Variants in NRXN3 observed in about 807,000 individuals in gnomAD.
NRXN3 encodes neurexin III.
In NRXN3, 32 loss-of-function variants were observed where a neutral mutation model predicts 137.6. The ratio of observed to expected loss-of-function variants is 0.23; its 90% CI spans 0.18 to 0.31. The LOEUF (loss-of-function observed/expected upper bound fraction) is 0.31, where lower values mean the gene tolerates loss of function less well. Ranked by LOEUF, NRXN3 falls within the 10% of genes least tolerant of loss-of-function variation. NRXN3 has a pLI of 1.00. For missense variants in NRXN3, 1,574 were observed against 2,062.5 expected (o/e 0.76, Z 4.59); for synonymous variants, 798 against 784.5 (o/e 1.02, Z -0.29).
At position 79,008,922 on chromosome 14, in the gene NRXN3, G is replaced by A. The variant is rs187779152; in HGVS notation, c.3262+20781G>A. Among the ~76,000 whole-genome samples the A allele has an allele frequency of 7.4e-3, 1,121 of 152,190 alleles. 11 individuals carry two copies. The highest frequency in any genetic ancestry group is 0.026 in the African/African-American group (1,088 of 41,512). On this transcript the variant is annotated intron_variant, in intron 15 of 20. Transcript: ENST00000335750. ...TCCACCCGCCTTGGCCTCCCAAAGT[G>A]CTAGGATTAAAGACGTGAGCCACCA...
intron 6 of NRXN3, among the ~76,000 whole-genome samples, chr14:78,662,912 A>T (rs1194679407): frequency 6.6e-6 from 1 of 152,218 alleles, no homozygotes; most frequent in African/African-American, 2.4e-5. Context: ...CACAGCAATT[A>T]TAATCATAGC....
At chr14:79,236,977 C>T (rs1243081617) in intron 15 of NRXN3, among the ~76,000 whole-genome samples, 1 of 151,962 alleles carries the variant, frequency 6.6e-6, no homozygotes, top group Non-Finnish European at 1.5e-5. Flanking sequence ...AATTAAGATT[C>T]TTCCTCCGTC....
chr14:79,699,955 C>G (rs1321762383), intron 19 of NRXN3, among the ~76,000 whole-genome samples: 3 of 151,962 alleles, frequency 2.0e-5, no homozygotes, highest in Non-Finnish European at 4.4e-5. Flanking sequence ...TTTTAAAAGC[C>G]CTGGATTTTT....
At chr14:79,493,892 A>G (rs368852144) in intron 16 of NRXN3, among the ~76,000 whole-genome samples, 12 of 152,198 alleles carry the variant, frequency 7.9e-5, no homozygotes, top group African/African-American at 2.9e-4. Flanking sequence ...ATACTGAATG[A>G]CAAAGGCTGT....
At chr14:78,249,093 T>C (rs2068175616) in intron 2 of NRXN3, among the ~76,000 whole-genome samples, 1 of 152,210 alleles carries the variant, frequency 6.6e-6, no homozygotes, top group South Asian at 2.1e-4. Flanking sequence ...GGAAAAGCAA[T>C]TTTTTAAAAT....
At chr14:79,343,921 G>A (rs1375516609) in intron 15 of NRXN3, among the ~76,000 whole-genome samples, 19 of 152,028 alleles carry the variant, frequency 1.2e-4, no homozygotes, top group Admixed American at 1.2e-3. Flanking sequence ...TTACAGGTGT[G>A]AGCCACCATG....
intron 17 of NRXN3, among the ~76,000 whole-genome samples, chr14:79,677,235 T>C (rs2098645636): frequency 6.6e-6 from 1 of 151,982 alleles, no homozygotes; most frequent in Non-Finnish European, 1.5e-5. Flanking sequence ...CAAGTATAAT[T>C]AAACAAAATG....
chr14:78,799,362 G>A (rs1380533636), intron 8 of NRXN3, among the ~76,000 whole-genome samples: 1 of 152,184 alleles, frequency 6.6e-6, no homozygotes, highest in African/African-American at 2.4e-5. Flanking sequence ...AACATAGCTA[G>A]AGTCATCTTT....
intron 3 of NRXN3, among the ~76,000 whole-genome samples, chr14:78,284,872 A>G (rs1241826339): frequency 6.6e-6 from 1 of 152,190 alleles, no homozygotes; most frequent in African/African-American, 2.4e-5. Context: ...AATATTTTGT[A>G]GAGAACCCAC....
chr14:78,635,862 T>C (rs61976136), intron 4 of NRXN3, among the ~76,000 whole-genome samples: 11,632 of 152,206 alleles, frequency 0.076, 535 homozygotes, highest in Middle Eastern at 0.15. Context: ...CCTAATTACT[T>C]ATATACTCTG....
chr14:79,637,276 TAAA>T (rs1041086271), intron 16 of NRXN3, among the ~76,000 whole-genome samples: 12 of 152,192 alleles, frequency 7.9e-5, no homozygotes, highest in African/African-American at 2.9e-4. Context: ...GATCAAGTGT[TAAA>T]GAAGAATTGA....
intron 19 of NRXN3, among the ~76,000 whole-genome samples, chr14:79,773,533 C>G (rs1262483025): frequency 6.7e-6 from 1 of 148,674 alleles, no homozygotes; most frequent in African/African-American, 2.5e-5. Context: ...CAAGAACAAA[C>G]AACCAAACAC....
At chr14:79,542,683 G>C (rs1187497201) in intron 16 of NRXN3, among the ~76,000 whole-genome samples, 3 of 152,050 alleles carry the variant, frequency 2.0e-5, no homozygotes, top group Admixed American at 6.6e-5. Flanking sequence ...TTAAATATTA[G>C]AGGTGAGTCA....
chr14:78,991,599 T>TA (rs1193288179), intron 15 of NRXN3, among the ~76,000 whole-genome samples: 1 of 152,218 alleles, frequency 6.6e-6, no homozygotes, highest in Non-Finnish European at 1.5e-5. Flanking sequence ...AACTGAAACT[T>TA]ACTCAACAGG....
chr14:78,250,878 A>G (rs1224013839), intron 2 of NRXN3, among the ~76,000 whole-genome samples: 2 of 152,180 alleles, frequency 1.3e-5, no homozygotes, highest in Non-Finnish European at 2.9e-5. Flanking sequence ...GATGATAAGC[A>G]AAATGTCAAG....
At chr14:79,078,284 A>G (rs1459036717) in intron 15 of NRXN3, among the ~76,000 whole-genome samples, 3 of 152,180 alleles carry the variant, frequency 2.0e-5, no homozygotes, top group South Asian at 2.1e-4. Flanking sequence ...ACAAGATAAA[A>G]TAAATCACTC....
chr14:79,440,889 A>G (rs1389738842), intron 15 of NRXN3, among the ~76,000 whole-genome samples: 2 of 151,936 alleles, frequency 1.3e-5, no homozygotes, highest in Non-Finnish European at 2.9e-5. Flanking sequence ...GATATATGAG[A>G]CTCTGGGGTA....
chr14:79,025,537 A>G (rs1595065082), intron 15 of NRXN3, among the ~76,000 whole-genome samples: 1 of 152,074 alleles, frequency 6.6e-6, no homozygotes, highest in Non-Finnish European at 1.5e-5. Flanking sequence ...TTTACATTCT[A>G]AAAGGTCCAG....
chr14:78,425,304 C>T (rs944169182), intron 4 of NRXN3, among the ~76,000 whole-genome samples: 1 of 152,172 alleles, frequency 6.6e-6, no homozygotes, highest in Non-Finnish European at 1.5e-5. Flanking sequence ...GCACTTGGTA[C>T]ATAGTTAAGT....
Sources: gnomAD v4.1 joint callset for allele counts (sites outside exome capture counted in the v4.1 genomes callset) on GRCh38, gnomAD v4.1.1 for gene constraint, MANE v1.5 for transcripts, NCBI Gene and HGNC (gene_info 2026-07-23, HGNC 2026-07-21) for gene names.